FSTL4: variants seen among roughly 807,000 people sequenced by gnomAD.
FSTL4 encodes follistatin like 4.
In FSTL4, 28 loss-of-function variants were observed where a neutral mutation model predicts 78.2. The observed-to-expected ratio is 0.36, with a 90% CI of 0.27 to 0.49. The LOEUF is 0.49. FSTL4 is among the 20% of genes least tolerant of loss of function. The probability of loss-of-function intolerance (pLI) is 0.98; values close to 1 mark genes in which losing one functional copy is unlikely to be tolerated. For synonymous variants in FSTL4, 422 were observed against 440.5 expected, an observed-to-expected ratio of 0.96 and a Z score of 0.53; for missense variants, 922 against 1,084.9, an observed-to-expected ratio of 0.85 and a Z score of 2.11.
At chr5:133,211,773 C>T (rs1402910778) in intron 13 of FSTL4, among the ~76,000 whole-genome samples, 1 of 151,964 alleles carries the variant, frequency 6.6e-6, no homozygotes, top group Non-Finnish European at 1.5e-5. Context: ...CTTTGACTGT[C>T]TTCTCTCTTT....
Position 133,217,249 on chromosome 5 carries a change from G to C in FSTL4, c.1588C>G (p.Gln530Glu). Reference sequence around the variant, plus strand: ...TGTACCTGTAGGACTTTCTGGGCTTGGATGTCGACCACAAGGACTCTGCTC... The same window carrying C: ...TGTACCTGTAGGACTTTCTGGGCTTCGATGTCGACCACAAGGACTCTGCTC... ...ALSRVLVVDI[Q>E]AQKVLQSIGV... Residue 530 changes from glutamine to glutamate, a missense_variant, in exon 13 of 16, where the codon CAA becomes GAA. Coordinates refer to ENST00000265342, the MANE Select transcript of FSTL4 (RefSeq NM_015082.2). 1.2e-6 allele frequency: 2 copies of C among 1,613,984 alleles called. No individual in the cohort carries two copies. Among genetic ancestry groups the C allele is most frequent in the Non-Finnish European group, 1.7e-6 (2 of 1,179,894 alleles).
chr5:133,791,536 G>A, the FSTL4 span, among the ~76,000 whole-genome samples: 6 of 152,182 alleles, frequency 3.9e-5, no homozygotes, highest in African/African-American at 7.2e-5. Context: ...TTGAACTAAT[G>A]AGAGCTGAGC....
At chr5:133,666,446 T>C in the FSTL4 span, among the ~76,000 whole-genome samples, 1 of 152,204 alleles carries the variant, frequency 6.6e-6, no homozygotes, top group Non-Finnish European at 1.5e-5. Context: ...ATTTCTGTAG[T>C]TTGGAATAAG....
intron 2 of FSTL4, among the ~76,000 whole-genome samples, chr5:133,576,777 G>A (rs1171183916): frequency 6.6e-6 from 1 of 152,204 alleles, no homozygotes; most frequent in Non-Finnish European, 1.5e-5. Flanking sequence ...TGGAAGCTTT[G>A]CCATGGGATT....
At chr5:133,726,744 C>CA in the FSTL4 span, among the ~76,000 whole-genome samples, 1 of 152,114 alleles carries the variant, frequency 6.6e-6, no homozygotes, top group African/African-American at 2.4e-5. Context: ...CCTTCAGCTT[C>CA]AAAAAAGTAT....
chr5:133,358,271 T>C (rs967712850), intron 4 of FSTL4, among the ~76,000 whole-genome samples: 10 of 152,164 alleles, frequency 6.6e-5, no homozygotes, highest in African/African-American at 2.2e-4. Context: ...GACATACTCA[T>C]AGTTTCAGGA....
At position 133,361,996 on chromosome 5, in the gene FSTL4, T is replaced by C. The variant is rs1328204307; in HGVS notation, c.409+38742A>G. ...GAATACAAAGTATTTTGTGCATGGC[T>C]TAATATACTTGGAATTTCTCTGGGA... On this transcript the variant is annotated intron_variant, in intron 4 of 15. Transcript: ENST00000265342. The surrounding 1 kb of genome is among the most constrained non-coding windows in gnomAD (Gnocchi z 4.3). 1.3e-5 allele frequency among the ~76,000 whole-genome samples: 2 copies of C among 152,242 alleles called. No individual in the cohort carries two copies. Among genetic ancestry groups the C allele is most frequent in the African/African-American group, 4.8e-5 (2 of 41,454 alleles).
intron 3 of FSTL4, among the ~76,000 whole-genome samples, chr5:133,502,415 T>A (rs1758518415): frequency 6.6e-6 from 1 of 152,032 alleles, no homozygotes; most frequent in African/African-American, 2.4e-5. Context: ...GCAGAGAGCA[T>A]CCCCTAGCTA....
chr5:133,487,399 C>G (rs1423362458), intron 3 of FSTL4, among the ~76,000 whole-genome samples: 2 of 152,192 alleles, frequency 1.3e-5, no homozygotes, highest in African/African-American at 4.8e-5. Flanking sequence ...GATGATGGAG[C>G]ATGAGCCACT....
intron 4 of FSTL4, among the ~76,000 whole-genome samples, chr5:133,321,516 G>A (rs1580614419): frequency 6.6e-6 from 1 of 152,344 alleles, no homozygotes; most frequent in South Asian, 2.1e-4. Flanking sequence ...CTCCTCCCTG[G>A]TGCCCCTGTG....
At chr5:133,274,482 T>C (rs552230760) in intron 6 of FSTL4, among the ~76,000 whole-genome samples, 1 of 123,044 alleles carries the variant, frequency 8.1e-6, no homozygotes, top group South Asian at 3.1e-4. Context: ...CTTCATAACC[T>C]GTTAACTTAC....
At chr5:133,239,229 C>G (rs1751757206) in intron 7 of FSTL4, among the ~76,000 whole-genome samples, 1 of 139,920 alleles carries the variant, frequency 7.1e-6, no homozygotes, top group Non-Finnish European at 1.6e-5. Context: ...CCTCCCCCAC[C>G]CCCACCCCCC....
At chr5:133,222,388 A>G (rs1446655074) in intron 11 of FSTL4, among the ~76,000 whole-genome samples, 1 of 152,110 alleles carries the variant, frequency 6.6e-6, no homozygotes, top group Non-Finnish European at 1.5e-5. Context: ...TCCAGCACAC[A>G]CCTGCCCTGA....
At chr5:133,746,947 G>C in the FSTL4 span, among the ~76,000 whole-genome samples, 2 of 152,174 alleles carry the variant, frequency 1.3e-5, no homozygotes, top group Non-Finnish European at 2.9e-5. Context: ...GCATACTTAA[G>C]TATGCTTGCT....
At chr5:133,364,429 T>C (rs1243210488) in intron 4 of FSTL4, among the ~76,000 whole-genome samples, 1 of 152,192 alleles carries the variant, frequency 6.6e-6, no homozygotes, top group Non-Finnish European at 1.5e-5. Flanking sequence ...AAAGGAGGAA[T>C]TGGCAGGGGC....
At chr5:133,747,492 G>A in the FSTL4 span, among the ~76,000 whole-genome samples, 1 of 151,928 alleles carries the variant, frequency 6.6e-6, no homozygotes, top group African/African-American at 2.4e-5. Flanking sequence ...CAGAGACCTC[G>A]GGTTCTCCCA....
At chr5:133,637,978 A>AAATT in the FSTL4 span, among the ~76,000 whole-genome samples, 1 of 142,590 alleles carries the variant, frequency 7.0e-6, no homozygotes, top group African/African-American at 2.6e-5. Context: ...TAATAATAAT[A>AAATT]AATTAATTAA....
At chr5:133,696,931 A>AC in the FSTL4 span, among the ~76,000 whole-genome samples, 1 of 152,100 alleles carries the variant, frequency 6.6e-6, no homozygotes, top group South Asian at 2.1e-4. Flanking sequence ...GCCTAAATGG[A>AC]CCCCAAGCTT....
At chr5:133,209,521 A>G (rs906563111) in intron 14 of FSTL4, among the ~76,000 whole-genome samples, 4 of 152,186 alleles carry the variant, frequency 2.6e-5, no homozygotes, top group Admixed American at 6.5e-5. Flanking sequence ...GGGCATTCAA[A>G]TCACTTTACA....
Sources: gnomAD v4.1 joint callset for allele counts (sites outside exome capture counted in the v4.1 genomes callset) on GRCh38, gnomAD v4.1.1 for gene constraint, Gnocchi (gnomAD v3.1) non-coding constraint, MANE v1.5 for transcripts, NCBI Gene and HGNC (gene_info 2026-07-23, HGNC 2026-07-21) for gene names.